The following CNTN4 variants were observed in gnomAD, a reference collection of about 807,000 sequenced individuals.
The protein encoded by CNTN4 is contactin-4.
Under a neutral mutation model 122.5 loss-of-function variants are expected in CNTN4, and 77 were observed. That is an observed-to-expected ratio of 0.63 (90% CI 0.52 to 0.76). The LOEUF is 0.76. Among genes scored for constraint, CNTN4 ranks in the 30% least tolerant of loss-of-function variants. The pLI is 0.00. For synonymous variants in CNTN4, 512 were observed against 447.0 expected (o/e 1.15, Z -1.83); for missense variants, 1,256 against 1,259.1 (o/e 1.00, Z 0.04).
intron 3 of CNTN4, among the ~76,000 whole-genome samples, chr3:2,435,884 A>G (rs893333565): frequency 1.3e-5 from 2 of 152,192 alleles, no homozygotes; most frequent in East Asian, 1.9e-4. Context: ...TATGATTTCT[A>G]TTCCCTTGTA....
At chr3:2,143,183 C>G (rs191436597) in intron 2 of CNTN4, among the ~76,000 whole-genome samples, 1 of 152,166 alleles carries the variant, frequency 6.6e-6, no homozygotes, top group African/African-American at 2.4e-5. Context: ...TTCTGTTTTA[C>G]GTTTCCCATT....
chr3:2,279,344 C>T (rs1418284766), intron 2 of CNTN4, among the ~76,000 whole-genome samples: 1 of 152,036 alleles, frequency 6.6e-6, no homozygotes, highest in Admixed American at 6.6e-5. Flanking sequence ...TGTTATATGC[C>T]CTGGGATATA....
chr3:2,815,502 A>G (rs1176892703), intron 6 of CNTN4, among the ~76,000 whole-genome samples: 1 of 152,212 alleles, frequency 6.6e-6, no homozygotes, highest in Non-Finnish European at 1.5e-5. Context: ...GCTCAACATC[A>G]CTAATGATCA....
At chr3:2,949,825 C>A (rs1368394645) in intron 13 of CNTN4, among the ~76,000 whole-genome samples, 1 of 152,176 alleles carries the variant, frequency 6.6e-6, no homozygotes, top group South Asian at 2.1e-4. Context: ...ACTTACAATA[C>A]CCAAACCCTA....
At chr3:2,647,512 A>G (rs1034123587) in intron 4 of CNTN4, among the ~76,000 whole-genome samples, 1 of 152,170 alleles carries the variant, frequency 6.6e-6, no homozygotes, top group Admixed American at 6.5e-5. Flanking sequence ...TTCTCCCCTC[A>G]GATTTTTATA....
intron 3 of CNTN4, among the ~76,000 whole-genome samples, chr3:2,405,568 T>C (rs2047003404): frequency 6.6e-6 from 1 of 150,520 alleles, no homozygotes. Context: ...AAAATAGATA[T>C]ATGCGAACCC....
chr3:2,360,752 C>G (rs150967428), intron 3 of CNTN4, among the ~76,000 whole-genome samples: 5 of 152,138 alleles, frequency 3.3e-5, no homozygotes, highest in Non-Finnish European at 5.9e-5. Context: ...TCTCACTATC[C>G]GGAGAACAGC....
chr3:2,598,170 T>C (rs1316735288), intron 4 of CNTN4, among the ~76,000 whole-genome samples: 1 of 152,150 alleles, frequency 6.6e-6, no homozygotes, highest in Non-Finnish European at 1.5e-5. Flanking sequence ...ACCTCCAGTA[T>C]CAAACATGAT....
chr3:2,537,786 A>C (rs1055205604), intron 3 of CNTN4, among the ~76,000 whole-genome samples: 1 of 152,050 alleles, frequency 6.6e-6, no homozygotes, highest in African/African-American at 2.4e-5. Flanking sequence ...TCCACCCATC[A>C]TAAACATTTA....
At chr3:2,689,814 A>G (rs1282825816) in intron 4 of CNTN4, among the ~76,000 whole-genome samples, 4 of 152,150 alleles carry the variant, frequency 2.6e-5, no homozygotes, top group Admixed American at 1.3e-4. Flanking sequence ...CTGTAAGGTC[A>G]CAGAGCAATC....
At chr3:2,590,175 T>C (rs1423129511) in intron 4 of CNTN4, among the ~76,000 whole-genome samples, 1 of 152,218 alleles carries the variant, frequency 6.6e-6, no homozygotes, top group South Asian at 2.1e-4. Context: ...TCTTCCACTC[T>C]TGTGCATTTC....
At chr3:2,551,896 T>A (rs1420731683) in intron 3 of CNTN4, among the ~76,000 whole-genome samples, 1 of 152,156 alleles carries the variant, frequency 6.6e-6, no homozygotes, top group Admixed American at 6.6e-5. Flanking sequence ...ATTGCTGTCA[T>A]CTTAGAGAAA....
intron 13 of CNTN4, among the ~76,000 whole-genome samples, chr3:2,937,613 G>T (rs1489307742): frequency 6.6e-6 from 1 of 152,160 alleles, no homozygotes; most frequent in Non-Finnish European, 1.5e-5. Flanking sequence ...ACAGGACTTG[G>T]TTTCTAGAGT....
At chr3:2,711,934 AT>A (rs2087175607) in intron 4 of CNTN4, among the ~76,000 whole-genome samples, 1 of 152,316 alleles carries the variant, frequency 6.6e-6, no homozygotes, top group Non-Finnish European at 1.5e-5. Flanking sequence ...ATATGCAACA[AT>A]TTTTTTAAAA....
intron 13 of CNTN4, among the ~76,000 whole-genome samples, chr3:2,986,049 G>T (rs56704685): frequency 0.039 from 5,910 of 151,600 alleles, 131 homozygotes; most frequent in Admixed American, 0.066. Context: ...CAAGTAGCTG[G>T]GACTATAGGC....
intron 4 of CNTN4, among the ~76,000 whole-genome samples, chr3:2,591,548 T>C (rs2080488197): frequency 1.1e-5 from 1 of 92,758 alleles, no homozygotes; most frequent in East Asian, 2.5e-4. Flanking sequence ...GTATTTTTAG[T>C]AGAGACGGGG....
chr3:2,974,713 G>A (rs1318074250), intron 13 of CNTN4, among the ~76,000 whole-genome samples: 1 of 152,198 alleles, frequency 6.6e-6, no homozygotes, highest in Admixed American at 6.5e-5. Context: ...TTTAGGGACA[G>A]GGAGAGACCT....
At chr3:2,241,720 C>A (rs139321392) in intron 2 of CNTN4, among the ~76,000 whole-genome samples, 1 of 152,178 alleles carries the variant, frequency 6.6e-6, no homozygotes, top group African/African-American at 2.4e-5. Flanking sequence ...CTGTGTACTT[C>A]TCTTCCCCAT....
intron 3 of CNTN4, among the ~76,000 whole-genome samples, chr3:2,379,972 G>C (rs79739371): frequency 8.0e-5 from 12 of 149,982 alleles, no homozygotes; most frequent in Admixed American, 2.0e-4. Context: ...CCGGAGAATC[G>C]CTTGAACCCA....
Sources: allele counts gnomAD v4.1 joint callset (sites outside exome capture counted in the v4.1 genomes callset), GRCh38; gene constraint gnomAD v4.1.1; transcripts MANE v1.5; gene names NCBI Gene and HGNC (gene_info 2026-07-23, HGNC 2026-07-21).